FABP6: variants seen among roughly 807,000 people sequenced by gnomAD.
FABP6 encodes gastrotropin.
FABP6 carries 13 observed loss-of-function variants against 14.9 expected under a neutral mutation model. The observed-to-expected ratio is 0.87, with a 90% CI of 0.57 to 1.39. The LOEUF (loss-of-function observed/expected upper bound fraction) is 1.39, where lower values mean the gene tolerates loss of function less well. Among genes scored for constraint, FABP6 ranks in the 40% most tolerant of loss-of-function variants. FABP6 has a pLI of 0.00. For synonymous variants in FABP6, 75 were observed against 63.6 expected (o/e 1.18, Z -0.85); for missense variants, 161 against 167.2 (o/e 0.96, Z 0.20).
upstream of FABP6, among the ~76,000 whole-genome samples, chr5:160,228,116 G>A (rs1431250718): frequency 4.6e-5 from 7 of 152,106 alleles, no homozygotes; most frequent in African/African-American, 1.7e-4. Context: ...AATTGGCCGG[G>A]TGTGGTGGCT....
chr5:160,189,545 G>A (rs952315029), intron 1 of FABP6, among the ~76,000 whole-genome samples: 3 of 152,076 alleles, frequency 2.0e-5, no homozygotes, highest in Non-Finnish European at 4.4e-5. Context: ...GTCAGGCCAA[G>A]AAATTGTATT....
At chr5:160,193,364 C>G (rs992542389) in intron 1 of FABP6, among the ~76,000 whole-genome samples, 1 of 152,030 alleles carries the variant, frequency 6.6e-6, no homozygotes, top group Non-Finnish European at 1.5e-5. Flanking sequence ...AGTGGGGACC[C>G]AAAGAGTGAG....
At chr5:160,193,198 C>T (rs1309722091) in intron 1 of FABP6, among the ~76,000 whole-genome samples, 1 of 152,006 alleles carries the variant, frequency 6.6e-6, no homozygotes, top group East Asian at 1.9e-4. Flanking sequence ...CTGGTGGGTT[C>T]GTGGTCTCGC....
intron 3 of FABP6, among the ~76,000 whole-genome samples, chr5:160,237,569 T>C (rs1760544567): frequency 1.3e-5 from 2 of 152,016 alleles, no homozygotes; most frequent in Admixed American, 6.6e-5. Flanking sequence ...ACCCCTGCCA[T>C]GTTCTCATCA....
At chr5:160,231,901 CA>C (rs1760389946) in intron 1 of FABP6, 196 bp from the exon 2 acceptor site, 1 of 555,454 alleles carries the variant, frequency 1.8e-6, no homozygotes, top group Non-Finnish European at 3.2e-6. Flanking sequence ...GACTGAAGCT[CA>C]GAGAGATAGG....
upstream of FABP6, among the ~76,000 whole-genome samples, chr5:160,227,737 A>G (rs1246329573): frequency 6.6e-6 from 1 of 151,850 alleles, no homozygotes; most frequent in African/African-American, 2.4e-5. Flanking sequence ...CCAAACTACT[A>G]TCACAGGCCA....
chr5:160,206,121 A>C (rs1369014897), intron 2 of FABP6, among the ~76,000 whole-genome samples: 2 of 152,210 alleles, frequency 1.3e-5, no homozygotes. Context: ...GCACATGTGC[A>C]CGCTGTTTAC....
chr5:160,215,851 A>G (rs976111964), intron 3 of FABP6, among the ~76,000 whole-genome samples: 8 of 152,094 alleles, frequency 5.3e-5, no homozygotes, highest in Non-Finnish European at 1.0e-4. Flanking sequence ...AGAGGAAAGA[A>G]CCAGTGAGTA....
intron 2 of FABP6, chr5:160,204,948 T>C (rs755976362): frequency 1.3e-5 from 2 of 152,008 alleles, no homozygotes; most frequent in Non-Finnish European, 2.9e-5. Context: ...TCCAGCTCCA[T>C]AGCTAGGGAT....
chr5:160,218,904 G>A (rs370468273), intron 3 of FABP6, among the ~76,000 whole-genome samples: 4 of 151,664 alleles, frequency 2.6e-5, no homozygotes, highest in Admixed American at 6.6e-5. Flanking sequence ...GACTACAGGC[G>A]CAAGCCACCA....
intron 3 of FABP6, among the ~76,000 whole-genome samples, chr5:160,214,152 T>TTTCTTTCATTCA (rs755078967): frequency 2.1e-4 from 27 of 129,010 alleles, no homozygotes; most frequent in African/African-American, 4.4e-4. Flanking sequence ...TCTTTCTTTC[T>TTTCTTTCATTCA]TTCTTTCCTT....
chr5:160,209,438 A>C (rs957405032), intron 2 of FABP6, among the ~76,000 whole-genome samples: 6 of 152,220 alleles, frequency 3.9e-5, no homozygotes, highest in Admixed American at 2.0e-4. Flanking sequence ...CAGGAGGATT[A>C]TTTGAGCCTG....
At chr5:160,221,974 C>T (rs1420674956) in intron 3 of FABP6, among the ~76,000 whole-genome samples, 10 of 151,872 alleles carry the variant, frequency 6.6e-5, no homozygotes, top group African/African-American at 2.2e-4. Context: ...AAGTCTTAAG[C>T]TTTTGTCTTT....
At chr5:160,226,046 C>A (rs905048279), upstream of FABP6, among the ~76,000 whole-genome samples, 8 of 151,806 alleles carry the variant, frequency 5.3e-5, no homozygotes, top group South Asian at 1.7e-3. Context: ...TGGTGGTAGG[C>A]GCCTATAATC....
At chr5:160,221,129 G>T (rs1034562906) in intron 3 of FABP6, among the ~76,000 whole-genome samples, 12 of 151,410 alleles carry the variant, frequency 7.9e-5, no homozygotes, top group African/African-American at 2.2e-4. Flanking sequence ...TTGAGGACAG[G>T]TACTTGGTAT....
chr5:160,233,504 A>C (rs1277255394), intron 2 of FABP6, among the ~76,000 whole-genome samples: 2 of 152,220 alleles, frequency 1.3e-5, no homozygotes, highest in Non-Finnish European at 2.9e-5. Context: ...AAGACAGTGC[A>C]TGAAAGCACC....
At chr5:160,225,403 T>C (rs1385303644), upstream of FABP6, among the ~76,000 whole-genome samples, 1 of 147,058 alleles carries the variant, frequency 6.8e-6, no homozygotes, top group Non-Finnish European at 1.5e-5. Context: ...CCCCACCTTT[T>C]TTTTTTTTTT....
chr5:160,232,345 C>G, intron 2 of FABP6, 72 bp downstream of exon 2: 1 of 1,440,470 alleles, frequency 6.9e-7, no homozygotes, highest in Admixed American at 2.4e-5. Context: ...ACATGGCCTC[C>G]CCGCTCCCGA....
exon 2 of FABP6, chr5:160,199,131 G>A (rs199868205): frequency 2.5e-5 from 41 of 1,614,182 alleles, no homozygotes; most frequent in Non-Finnish European, 3.1e-5. Flanking sequence ...GATGATGATG[G>A]TGGTGGAGAT....
Sources: gnomAD v4.1 joint callset for allele counts (sites outside exome capture counted in the v4.1 genomes callset) on GRCh38, gnomAD v4.1.1 for gene constraint, MANE v1.5 for transcripts, NCBI Gene and HGNC (gene_info 2026-07-23, HGNC 2026-07-21) for gene names.